The following CCP110 variants were observed in gnomAD, a reference collection of about 807,000 sequenced individuals.
CCP110 encodes the protein centriolar coiled-coil protein 110.
Under a neutral mutation model 105.5 loss-of-function variants are expected in CCP110, and 43 were observed. That is an observed-to-expected ratio of 0.41 (90% CI 0.32 to 0.53). The LOEUF is 0.53. Ranked by LOEUF, CCP110 falls within the 20% of genes least tolerant of loss-of-function variation. The pLI, the probability that CCP110 is intolerant of heterozygous loss-of-function variation, is 0.32. For synonymous variants in CCP110, 353 were observed against 392.1 expected, an observed-to-expected ratio of 0.90 and a Z score of 1.18; for missense variants, 1,016 against 1,189.1, an observed-to-expected ratio of 0.85 and a Z score of 2.14.
At chr16:19,531,557 A>T (rs546107977) in intron 2 of CCP110, among the ~76,000 whole-genome samples, 2 of 152,372 alleles carry the variant, frequency 1.3e-5, no homozygotes, top group African/African-American at 4.8e-5. Context: ...CAAATAATAT[A>T]TTATCTGTTT....
intron 2 of CCP110, among the ~76,000 whole-genome samples, chr16:19,529,478 C>G (rs1969788060): frequency 6.6e-6 from 1 of 152,164 alleles, no homozygotes; most frequent in Non-Finnish European, 1.5e-5. Flanking sequence ...AGTGCAGTGA[C>G]CACCCATAGA....
chr16:19,542,036 A>G, exon 6 of CCP110: 1 of 1,583,700 alleles, frequency 6.3e-7, no homozygotes, highest in Non-Finnish European at 8.5e-7. Context: ...AAGCGGACTC[A>G]CTCCATACTT....
exon 1 of CCP110, chr16:19,523,987 G>T (rs1311245880): frequency 6.5e-6 from 1 of 153,978 alleles, no homozygotes; most frequent in Admixed American, 6.5e-5. Context: ...GGAGAAGGCG[G>T]CGGCGGACCG....
At chr16:19,524,612 C>T (rs1022635435) in intron 1 of CCP110, among the ~76,000 whole-genome samples, 1 of 152,112 alleles carries the variant, frequency 6.6e-6, no homozygotes, top group East Asian at 1.9e-4. Flanking sequence ...AATCGATTGC[C>T]CCTGGAGCTG....
chr16:19,545,535 T>G (rs1970431173), intron 10 of CCP110, among the ~76,000 whole-genome samples: 2 of 152,148 alleles, frequency 1.3e-5, no homozygotes, highest in Non-Finnish European at 2.9e-5. Flanking sequence ...AAATCTGAGT[T>G]AGAAAACAGG....
rs774507135 is a variant in CCP110 at position 19,542,778 on chromosome 16, T to A, written c.2367+18T>A. The A allele has an allele frequency of 6.2e-7, 1 of 1,602,598 alleles. No homozygotes were observed. Among genetic ancestry groups the A allele is most frequent in the East Asian group, 2.2e-5 (1 of 44,792 alleles). On this transcript the variant is annotated intron_variant, in intron 7 of 14. Coordinates refer to ENST00000381396, the Ensembl canonical transcript of CCP110. ...GGTCTCAAGTGGGTAAACTTAATGA[T>A]ACATGTCCATCTATCTATTTATCTT...
Position 19,536,885 on chromosome 16 carries a change from C to T in CCP110, c.1216C>T (p.Gln406Ter). ...TGAATTAAGCCCTAAAGGAAAAGAA[C>T]AGGCAATGGACTTAATTATTCAAGA... Residue 406 changes from glutamine to a stop codon, truncating the protein, a stop_gained, in exon 4 of 15, where the codon CAG becomes TAG. Transcript: ENST00000381396. LOFTEE classifies it high-confidence loss of function. The T allele has an allele frequency of 6.2e-7, 1 of 1,614,116 alleles. No homozygotes were observed.
chr16:19,526,508 A>G (rs978940667), intron 1 of CCP110: 8 of 152,278 alleles, frequency 5.3e-5, no homozygotes, highest in Admixed American at 2.0e-4. Flanking sequence ...AAATAGTCTC[A>G]CTCACACTGT....
exon 3 of CCP110, chr16:19,532,492 A>G (rs1465581469): frequency 6.2e-7 from 1 of 1,611,188 alleles, no homozygotes; most frequent in East Asian, 2.2e-5. Context: ...AAGCAGGTTA[A>G]CAGGAAGAAA....
intron 14 of CCP110, among the ~76,000 whole-genome samples, chr16:19,549,204 T>C (rs1312438208): frequency 6.6e-6 from 1 of 152,250 alleles, no homozygotes; most frequent in African/African-American, 2.4e-5. Flanking sequence ...AATGCTTTAA[T>C]ATTTTTTAGG....
At chr16:19,527,173 A>C (rs1368877337) in intron 1 of CCP110, 1 of 152,188 alleles carries the variant, frequency 6.6e-6, no homozygotes, top group East Asian at 1.9e-4. Flanking sequence ...TATCAGAGCC[A>C]ATCGATTTGC....
At chr16:19,547,834 A>G in intron 12 of CCP110, 121 bp from the exon 13 acceptor site, 1 of 714,628 alleles carries the variant, frequency 1.4e-6, no homozygotes, top group Non-Finnish European at 2.5e-6. Context: ...GGTAATATAT[A>G]GGCCATATTA....
chr16:19,550,797 C>T (rs549540683), intron 14 of CCP110, among the ~76,000 whole-genome samples: 29 of 152,260 alleles, frequency 1.9e-4, no homozygotes, highest in Non-Finnish European at 3.7e-4. Flanking sequence ...CTGATGTTAT[C>T]GTAAGTGATC....
At chr16:19,542,170 C>T in intron 6 of CCP110, 106 bp downstream of exon 6, 1 of 760,788 alleles carries the variant, frequency 1.3e-6, no homozygotes, top group Non-Finnish European at 2.0e-6. Context: ...GATTCCATGT[C>T]CAACCCTCTT....
Position 19,548,142 on chromosome 16 carries a change from A to G in CCP110, c.2900+128A>G. On this transcript the variant is annotated intron_variant, in intron 13 of 14. Coordinates refer to ENST00000381396, the Ensembl canonical transcript of CCP110. This position sits in a 1 kb window ranked among gnomAD's most constrained non-coding sequence, Gnocchi z 4.1. ...CAATGGGATTTTTTTTCTTTATAGC[A>G]TTGGGAAAGATATTTTAAAGTTTTG... is the stretch of plus-strand genomic sequence containing the variant. The G allele has an allele frequency of 1.4e-6, 1 of 735,176 alleles. No homozygotes were observed. Among genetic ancestry groups the G allele is most frequent in the East Asian group, 2.5e-5 (1 of 40,484 alleles). 45.5% of individuals were successfully genotyped at this position (735,176 alleles called of 1,614,324 possible). A position where few individuals can be genotyped will look rare whatever the true frequency, so the allele number is the denominator to read the frequency against.
At chr16:19,528,831 C>G (rs56092191) in intron 2 of CCP110, among the ~76,000 whole-genome samples, 4,221 of 152,194 alleles carry the variant, frequency 0.028, 78 homozygotes, top group Non-Finnish European at 0.041. Flanking sequence ...CTAGGAGTTG[C>G]AGGCTGCAGT....
exon 4 of CCP110, chr16:19,536,911 T>A (rs1567355171): frequency 6.2e-7 from 1 of 1,614,190 alleles, no homozygotes; most frequent in Non-Finnish European, 8.5e-7. Flanking sequence ...TTATTCAAGA[T>A]ACTGATGAAA....
chr16:19,542,016 A>G (rs1489813584), exon 6 of CCP110: 1 of 1,609,604 alleles, frequency 6.2e-7, no homozygotes, highest in African/African-American at 1.3e-5. Flanking sequence ...GCTGGAAACA[A>G]TGCTGTCTCA....
Position 19,545,089 on chromosome 16 carries a change from C to T in CCP110, c.2587-5C>T. The stretch of plus-strand genomic sequence containing the variant: ...GTATACAATATTTTCTTCTCTTGTG[C>T]CTAGTTGCGAGCTGCCTTGTACGGT... On this transcript the variant is annotated splice_polypyrimidine_tract_variant and splice_region_variant and intron_variant, in intron 9 of 14. Coordinates refer to ENST00000381396, the Ensembl canonical transcript of CCP110. 6.4e-7 allele frequency: 1 copy of T among 1,556,362 alleles called. No homozygotes were observed. The highest frequency in any genetic ancestry group is 8.8e-7 in the Non-Finnish European group (1 of 1,133,782).
Sources: gnomAD v4.1 joint callset for allele counts (sites outside exome capture counted in the v4.1 genomes callset) on GRCh38, gnomAD v4.1.1 for gene constraint, Gnocchi (gnomAD v3.1) non-coding constraint, MANE v1.5 for transcripts, NCBI Gene and HGNC (gene_info 2026-07-23, HGNC 2026-07-21) for gene names.